Variants in PTPRQ observed in about 807,000 individuals in gnomAD.
PTPRQ encodes the protein protein tyrosine phosphatase receptor type Q.
Under a neutral mutation model 246.0 loss-of-function variants are expected in PTPRQ, and 199 were observed. That is an observed-to-expected ratio of 0.81 (90% confidence interval 0.72 to 0.91). The LOEUF is 0.91. Ranked by LOEUF, PTPRQ falls within the 40% of genes least tolerant of loss-of-function variation. The pLI is 0.00. For synonymous variants in PTPRQ, 869 were observed against 853.2 expected, an observed-to-expected ratio of 1.02 and a Z score of -0.32; for missense variants, 2,624 against 2,528.4, an observed-to-expected ratio of 1.04 and a Z score of -0.81.
At chr12:80,537,750 C>G (rs920719449) in intron 19 of PTPRQ, among the ~76,000 whole-genome samples, 2 of 152,132 alleles carry the variant, frequency 1.3e-5, no homozygotes, top group Non-Finnish European at 2.9e-5. Context: ...ATTAACTTTT[C>G]TACTTTTTAA....
chr12:80,549,511 G>A lies in PTPRQ; in HGVS notation c.4062G>A (p.Gln1354=), dbSNP rs1220936086. Residue 1354 remains glutamine, a synonymous_variant, in exon 25 of 45, where the codon CAG becomes CAA. Transcript: ENST00000644991. ...TGCAGTGCATGGCAACTAGCTGGCAGTCAGTTTTAGTGAAATGGGATCCAC... is the reference window on the plus strand; with the variant it reads ...TGCAGTGCATGGCAACTAGCTGGCAATCAGTTTTAGTGAAATGGGATCCAC... ...QNMQCMATSW[Q]SVLVKWDPPK... 13 of 1,550,922 alleles carry A rather than the reference G, an allele frequency of 8.4e-6. No individual in the cohort carries two copies. The highest frequency in any genetic ancestry group is 2.4e-5 in the East Asian group (1 of 40,928).
chr12:80,638,441 T>C (rs564788730), intron 35 of PTPRQ, among the ~76,000 whole-genome samples: 1 of 152,292 alleles, frequency 6.6e-6, no homozygotes, highest in African/African-American at 2.4e-5. Context: ...GAAGAATCTC[T>C]AATCAATAAT....
intron 5 of PTPRQ, among the ~76,000 whole-genome samples, chr12:80,459,752 A>G (rs1297061058): frequency 6.6e-6 from 1 of 152,220 alleles, no homozygotes; most frequent in Non-Finnish European, 1.5e-5. Flanking sequence ...AGACTTCATC[A>G]AAGGAGTAGC....
intron 25 of PTPRQ, among the ~76,000 whole-genome samples, chr12:80,567,349 T>C (rs147436944): frequency 3.3e-5 from 5 of 152,348 alleles, no homozygotes; most frequent in South Asian, 4.1e-4. Flanking sequence ...TTCATGCTTT[T>C]AATATTTTCT....
chr12:80,527,970 G>A (rs933946484), intron 17 of PTPRQ, among the ~76,000 whole-genome samples: 2 of 152,118 alleles, frequency 1.3e-5, no homozygotes, highest in African/African-American at 4.8e-5. Context: ...TTGTATCCCA[G>A]CTATTCAGGA....
chr12:80,609,673 C>T (rs79869374), intron 27 of PTPRQ, among the ~76,000 whole-genome samples: 1,642 of 150,572 alleles, frequency 0.011, 32 homozygotes, highest in African/African-American at 0.038. Flanking sequence ...ATGACATCCA[C>T]AATTAATTAC....
chr12:80,623,787 T>C (rs1899088480), intron 33 of PTPRQ, among the ~76,000 whole-genome samples: 1 of 152,120 alleles, frequency 6.6e-6, no homozygotes, highest in South Asian at 2.1e-4. Context: ...CCGTCAGTTA[T>C]CTGAGAGGCA....
intron 25 of PTPRQ, among the ~76,000 whole-genome samples, chr12:80,580,335 T>C (rs1897395444): frequency 1.3e-5 from 2 of 152,188 alleles, no homozygotes; most frequent in Non-Finnish European, 2.9e-5. Context: ...CACAGTTCAG[T>C]CATGTTTAGA....
intron 27 of PTPRQ, among the ~76,000 whole-genome samples, chr12:80,609,728 C>A (rs143614468): frequency 6.6e-6 from 1 of 150,540 alleles, no homozygotes; most frequent in African/African-American, 2.4e-5. Context: ...TTTCAAACTG[C>A]AGCCATCATC....
chr12:80,611,076 C>T (rs574881266), intron 28 of PTPRQ, among the ~76,000 whole-genome samples: 2 of 150,516 alleles, frequency 1.3e-5, no homozygotes, highest in South Asian at 2.1e-4. Flanking sequence ...GAATCCAGCT[C>T]ACATTTATCA....
chr12:80,558,143 CTTT>C, intron 25 of PTPRQ, among the ~76,000 whole-genome samples: 1 of 109,034 alleles, frequency 9.2e-6, no homozygotes, highest in Non-Finnish European at 1.7e-5. Flanking sequence ...CTTTTCTTTT[CTTT>C]TCTTTTCTTT....
intron 8 of PTPRQ, 107 bp from the exon 9 acceptor site, chr12:80,484,326 A>G: frequency 7.6e-7 from 1 of 1,322,786 alleles, no homozygotes; most frequent in Non-Finnish European, 1.0e-6. Context: ...TTCTAATAGA[A>G]TTGTTTATAT....
chr12:80,573,217 C>T (rs1317940883), intron 25 of PTPRQ, among the ~76,000 whole-genome samples: 1 of 152,098 alleles, frequency 6.6e-6, no homozygotes, highest in African/African-American at 2.4e-5. Flanking sequence ...GGGCCGGGCG[C>T]GGTGGCTCAC....
intron 25 of PTPRQ, among the ~76,000 whole-genome samples, chr12:80,559,719 T>C (rs532682337): frequency 6.6e-6 from 1 of 152,194 alleles, no homozygotes; most frequent in East Asian, 1.9e-4. Flanking sequence ...TTGGAAGGTA[T>C]AGATATACAT....
intron 39 of PTPRQ, among the ~76,000 whole-genome samples, chr12:80,668,747 G>A (rs2121279907): frequency 6.6e-6 from 1 of 151,954 alleles, no homozygotes; most frequent in East Asian, 1.9e-4. Flanking sequence ...TGTTATTATT[G>A]TAAATATTAT....
chr12:80,600,880 C>G (rs527971471), intron 26 of PTPRQ, among the ~76,000 whole-genome samples: 2 of 151,884 alleles, frequency 1.3e-5, no homozygotes, highest in South Asian at 4.1e-4. Context: ...TTCTGGCCCC[C>G]ATTTCCTCTC....
chr12:80,556,496 T>C (rs1896649536), intron 25 of PTPRQ, among the ~76,000 whole-genome samples: 1 of 152,232 alleles, frequency 6.6e-6, no homozygotes, highest in Non-Finnish European at 1.5e-5. Flanking sequence ...CACATATTTG[T>C]CTTGAACCTT....
At chr12:80,677,340 T>G (rs1208329793) in intron 43 of PTPRQ, among the ~76,000 whole-genome samples, 1 of 152,196 alleles carries the variant, frequency 6.6e-6, no homozygotes, top group Non-Finnish European at 1.5e-5. Flanking sequence ...TCAGTAGAAA[T>G]TTTATTGCTT....
At chr12:80,649,213 T>G (rs1900174960) in intron 36 of PTPRQ, among the ~76,000 whole-genome samples, 1 of 152,124 alleles carries the variant, frequency 6.6e-6, no homozygotes, top group Non-Finnish European at 1.5e-5. Context: ...CACTGCAATA[T>G]TTTATATCTT....
Sources: allele counts gnomAD v4.1 joint callset (sites outside exome capture counted in the v4.1 genomes callset), GRCh38; gene constraint gnomAD v4.1.1; transcripts MANE v1.5; gene names NCBI Gene and HGNC (gene_info 2026-07-23, HGNC 2026-07-21).